The following PCDHA5 variants were observed in gnomAD, a reference collection of about 807,000 sequenced individuals.
The protein encoded by PCDHA5 is protocadherin alpha-5.
PCDHA5 carries 43 observed loss-of-function variants against 61.6 expected under a neutral mutation model. The ratio of observed to expected loss-of-function variants is 0.70; its 90% CI spans 0.55 to 0.90. The LOEUF is 0.90. Among genes scored for constraint, PCDHA5 ranks in the 40% least tolerant of loss-of-function variants. The pLI is 0.00. For missense variants in PCDHA5, 1,298 were observed against 1,222.7 expected, an observed-to-expected ratio of 1.06 and a Z score of -0.92; for synonymous variants, 627 against 543.9, an observed-to-expected ratio of 1.15 and a Z score of -2.13.
rs1349826822 is a variant in PCDHA5, at chr5:140,911,368, C to A, written c.2353-67581C>A. Reference sequence around the variant, plus strand: ...CCTCATTTCAACAGTAGACACCTGGCAAGGCTGTGCATGCACCTTTCATTG... The same window carrying A: ...CCTCATTTCAACAGTAGACACCTGGAAAGGCTGTGCATGCACCTTTCATTG... On this transcript the variant is annotated intron_variant, in intron 1 of 3. Coordinates refer to ENST00000529859, the MANE Select transcript of PCDHA5 (RefSeq NM_018908.3). 3.3e-5 allele frequency among the ~76,000 whole-genome samples: 5 copies of A among 152,144 alleles called. No homozygotes were observed. The East Asian group carries it at 7.7e-4, about 23-fold the overall frequency.
rs376462906 is a variant in PCDHA5, at chr5:140,873,767, TCTC to T, written c.2352+49643_2352+49645del. Among the ~76,000 whole-genome samples, 393 of 152,280 alleles carry T rather than the reference TCTC, an allele frequency of 2.6e-3. 1 individual carries two copies. The highest frequency in any genetic ancestry group is 9.2e-3 in the African/African-American group (382 of 41,558). On this transcript the variant is annotated intron_variant, in intron 1 of 3. Transcript: ENST00000529859. ...TCTCCACCTCCCATGTTCAAGCAAT[TCTC>T]CTGCCTCAGCTTTCCGAGAAGCTGG...
rs781837708 is a variant in PCDHA5, at chr5:140,875,917, GAC to G, written c.2352+51791_2352+51792del. On this transcript the variant is annotated intron_variant, in intron 1 of 3. Coordinates refer to ENST00000529859, the MANE Select transcript of PCDHA5 (RefSeq NM_018908.3). Reference sequence around the variant, plus strand: ...ACCTGTTTCTGAATCTGCGCCTCTGGACTCTCATTTTCCTCTAGAGGGCGCTT... The same window carrying G: ...ACCTGTTTCTGAATCTGCGCCTCTGGTCTCATTTTCCTCTAGAGGGCGCTT... 20 of 1,614,146 alleles carry G rather than the reference GAC, an allele frequency of 1.2e-5. 1 individual carries two copies. In the South Asian group the frequency reaches 2.1e-4, roughly 17 times the overall value.
intron 1 of PCDHA5, chr5:140,825,422 A>C (rs897290918): frequency 6.8e-6 from 1 of 147,148 alleles, no homozygotes; most frequent in African/African-American, 2.5e-5. Flanking sequence ...TATAATATAT[A>C]TAATAAATAT....
At chr5:141,002,923 C>A (rs1261794185) in intron 3 of PCDHA5, among the ~76,000 whole-genome samples, 2 of 152,220 alleles carry the variant, frequency 1.3e-5, no homozygotes, top group Non-Finnish European at 2.9e-5. Flanking sequence ...AAAGTGAACA[C>A]CCTCCAACAC....
In PCDHA5 at chr5:140,944,191, G is replaced by T. The variant is rs181232402; in HGVS notation, c.2353-34758G>T. The stretch of plus-strand genomic sequence containing the variant: ...GGCTGGTTTTTTGTTGGTTTGTTTT[G>T]TTTTGTTTTGTTTTTAAAGAGGGTT... On this transcript the variant is annotated intron_variant, in intron 1 of 3. Coordinates refer to ENST00000529859, the MANE Select transcript of PCDHA5 (RefSeq NM_018908.3). 9.2e-5 allele frequency among the ~76,000 whole-genome samples: 14 copies of T among 152,098 alleles called. No individual in the cohort carries two copies. The East Asian group carries it at 2.5e-3, about 27-fold the overall frequency.
intron 1 of PCDHA5, chr5:140,824,627 T>TTTTTTG (rs1554130003): frequency 3.7e-5 from 5 of 134,070 alleles, no homozygotes; most frequent in African/African-American, 1.6e-4. Flanking sequence ...TTTTTTTTTT[T>TTTTTTG]TTTTTATTTT....
At chr5:141,000,768 A>G (rs1434125702) in intron 3 of PCDHA5, among the ~76,000 whole-genome samples, 43 of 151,864 alleles carry the variant, frequency 2.8e-4, no homozygotes, top group African/African-American at 4.8e-5. Context: ...TTAGCCAGGC[A>G]TAGTGGCGCA....
intron 3 of PCDHA5, among the ~76,000 whole-genome samples, chr5:140,984,456 C>T (rs545706582): frequency 8.5e-5 from 13 of 152,286 alleles, no homozygotes; most frequent in African/African-American, 3.1e-4. Context: ...TTCTTACTGT[C>T]CCAGCCCCTC....
intron 1 of PCDHA5, chr5:140,848,760 C>T (rs2150419620): frequency 6.3e-7 from 1 of 1,593,332 alleles, no homozygotes; most frequent in South Asian, 1.1e-5. Context: ...TGTGAATTCT[C>T]GGATCGACCG....
chr5:140,966,022 T>G (rs2095958244), intron 1 of PCDHA5, among the ~76,000 whole-genome samples: 1 of 151,842 alleles, frequency 6.6e-6, no homozygotes, highest in South Asian at 2.1e-4. Flanking sequence ...GATGTGGGAG[T>G]CAGGTGAATA....
At chr5:140,950,751 T>G (rs1051693960) in intron 1 of PCDHA5, among the ~76,000 whole-genome samples, 3 of 152,154 alleles carry the variant, frequency 2.0e-5, no homozygotes, top group African/African-American at 7.2e-5. Flanking sequence ...CTCTCTATCC[T>G]TTCTGGACTC....
intron 1 of PCDHA5, among the ~76,000 whole-genome samples, chr5:140,839,543 C>T (rs1455447545): frequency 1.3e-5 from 2 of 151,966 alleles, no homozygotes; most frequent in Non-Finnish European, 2.9e-5. Flanking sequence ...GCACACACCA[C>T]CATGCCCAAC....
In PCDHA5 at chr5:140,849,850, C is replaced by A. The variant is rs17844329; in HGVS notation, c.2352+25723C>A. ...GAGGTGGCCGACGTGAACGACAACG[C>A]ACCAGCGTTCGCGCAGTCCGAGTAC... On this transcript the variant is annotated intron_variant, in intron 1 of 3. Transcript: ENST00000529859. The A allele has an allele frequency of 2.5e-4, 392 of 1,598,618 alleles. 6 individuals carry two copies. The East Asian group carries it at 8.6e-3, about 35-fold the overall frequency.
intron 1 of PCDHA5, chr5:140,882,078 C>T: frequency 1.1e-6 from 1 of 937,486 alleles, no homozygotes; most frequent in Non-Finnish European, 1.6e-6. Flanking sequence ...CGCATGGTGT[C>T]GCTCTTCACT....
intron 1 of PCDHA5, chr5:140,870,911 A>C (rs782609021): frequency 6.2e-7 from 1 of 1,613,910 alleles, no homozygotes; most frequent in Non-Finnish European, 8.5e-7. Context: ...TCAGGCTACA[A>C]CGCGTGGCTT....
At chr5:140,842,910 T>C (rs1778388313) in intron 1 of PCDHA5, 1 of 1,594,510 alleles carries the variant, frequency 6.3e-7, no homozygotes, top group Non-Finnish European at 8.6e-7. Context: ...GAGCTAGAGC[T>C]GCTGCAGTTC....
intron 1 of PCDHA5, chr5:140,856,089 T>C: frequency 6.3e-7 from 1 of 1,596,782 alleles, no homozygotes; most frequent in Non-Finnish European, 8.6e-7. Flanking sequence ...CAGTGTCTGC[T>C]GCTCTCGCTT....
At chr5:140,873,973 T>C (rs1255024393) in intron 1 of PCDHA5, among the ~76,000 whole-genome samples, 2 of 152,224 alleles carry the variant, frequency 1.3e-5, no homozygotes. Flanking sequence ...TTTTTTAAAA[T>C]TAAAGTTCCT....
chr5:140,870,358 G>C lies in PCDHA5; in HGVS notation c.2352+46231G>C, dbSNP rs201159213. The C allele has an allele frequency of 1.2e-5, 20 of 1,614,216 alleles. No homozygotes were observed. The Admixed American group carries it at 3.3e-4, about 27-fold the overall frequency. ...CGCCCTGGACCGCGAGAACGTGTGG[G>C]CCTATGAACTGGTGGTGACTGCGCG... On this transcript the variant is annotated intron_variant, in intron 1 of 3. Transcript: ENST00000529859.
Sources: gnomAD v4.1 joint callset for allele counts (sites outside exome capture counted in the v4.1 genomes callset) on GRCh38, gnomAD v4.1.1 for gene constraint, MANE v1.5 for transcripts, NCBI Gene and HGNC (gene_info 2026-07-23, HGNC 2026-07-21) for gene names.